The following NTNG1 variants were observed in gnomAD, a reference collection of about 807,000 sequenced individuals.
The protein encoded by NTNG1 is netrin G1.
NTNG1 carries 16 observed loss-of-function variants against 54.0 expected under a neutral mutation model. The ratio of observed to expected loss-of-function variants is 0.30; its 90% CI spans 0.20 to 0.45. NTNG1 has a LOEUF of 0.45. Among genes scored for constraint, NTNG1 ranks in the 20% least tolerant of loss-of-function variants. The pLI, the probability that NTNG1 is intolerant of heterozygous loss-of-function variation, is 1.00. For synonymous variants in NTNG1, 255 were observed against 263.1 expected (o/e 0.97, Z 0.30); for missense variants, 530 against 678.7 (o/e 0.78, Z 2.43).
rs185867649 is a variant in NTNG1 at position 107,273,245 on chromosome 1, T to G, written c.247-51037T>G. Reference sequence around the variant, plus strand: ...GTGAGAATAGCCGGGAAGTGAGTGCTGAGTGATGCAGTGGAGAATGTATAG... The same window carrying G: ...GTGAGAATAGCCGGGAAGTGAGTGCGGAGTGATGCAGTGGAGAATGTATAG... On this transcript the variant is annotated intron_variant, in intron 2 of 7. Transcript: ENST00000370068. Among the ~76,000 whole-genome samples the G allele has an allele frequency of 2.8e-3, 423 of 152,226 alleles. 4 individuals are homozygous for G. Among genetic ancestry groups the G allele is most frequent in the African/African-American group, 9.5e-3 (393 of 41,540 alleles).
At chr1:107,429,226 ATCC>A (rs1675100214) in intron 5 of NTNG1, among the ~76,000 whole-genome samples, 1 of 152,094 alleles carries the variant, frequency 6.6e-6, no homozygotes, top group Non-Finnish European at 1.5e-5. Flanking sequence ...CCATTTGAGT[ATCC>A]TCCTCTGCTT....
intron 2 of NTNG1, among the ~76,000 whole-genome samples, chr1:107,296,988 G>A (rs1665981039): frequency 1.3e-5 from 2 of 148,722 alleles, no homozygotes; most frequent in Non-Finnish European, 3.0e-5. Context: ...GGGTTGGTTG[G>A]GATGCTCAGA....
At chr1:107,215,078 G>A (rs1014351673) in intron 2 of NTNG1, among the ~76,000 whole-genome samples, 4 of 152,040 alleles carry the variant, frequency 2.6e-5, no homozygotes, top group African/African-American at 7.2e-5. Context: ...CACTCTGTGG[G>A]TTGTCTGTTT....
Position 107,445,988 on chromosome 1 carries a change from C to T in NTNG1, c.1390+9189C>T, listed in dbSNP as rs185425057. On this transcript the variant is annotated intron_variant, in intron 7 of 7. Coordinates refer to ENST00000370068, the MANE Select transcript of NTNG1 (RefSeq NM_001113226.3). Reference sequence around the variant, plus strand: ...TAAACAGGAAGCAGGCTGGATTTGGCTTGCAGATCATAGTTTGATTTATTC... The same window carrying T: ...TAAACAGGAAGCAGGCTGGATTTGGTTTGCAGATCATAGTTTGATTTATTC... Among the ~76,000 whole-genome samples the T allele has an allele frequency of 1.7e-3, 255 of 152,186 alleles. 3 individuals carry two copies. The South Asian group carries it at 0.027, about 16-fold the overall frequency.
At chr1:107,358,788 C>G (rs888160899) in intron 3 of NTNG1, among the ~76,000 whole-genome samples, 1 of 152,184 alleles carries the variant, frequency 6.6e-6, no homozygotes, top group Non-Finnish European at 1.5e-5. Flanking sequence ...CCATAACACC[C>G]TGCTGTGAGG....
intron 2 of NTNG1, among the ~76,000 whole-genome samples, chr1:107,289,329 T>C (rs1052207264): frequency 6.6e-6 from 1 of 152,120 alleles, no homozygotes; most frequent in African/African-American, 2.4e-5. Flanking sequence ...CTGTCAGTCA[T>C]CAAACAAGCT....
intron 2 of NTNG1, among the ~76,000 whole-genome samples, chr1:107,182,655 A>G (rs1334908316): frequency 1.3e-5 from 2 of 152,100 alleles, no homozygotes; most frequent in Admixed American, 6.6e-5. Flanking sequence ...ATTAAATGTC[A>G]TCTAGTGATT....
At chr1:107,437,005 A>G (rs1042560046) in intron 7 of NTNG1, among the ~76,000 whole-genome samples, 1 of 152,150 alleles carries the variant, frequency 6.6e-6, no homozygotes, top group African/African-American at 2.4e-5. Context: ...TCATCCCCTC[A>G]GTTAGCTGGA....
At chr1:107,175,898 T>C (rs1311263358) in intron 2 of NTNG1, among the ~76,000 whole-genome samples, 4 of 152,216 alleles carry the variant, frequency 2.6e-5, no homozygotes, top group African/African-American at 9.6e-5. Context: ...ATTATGTCTC[T>C]GCATAGGATC....
chr1:107,219,719 A>G (rs1660217095), intron 2 of NTNG1, among the ~76,000 whole-genome samples: 1 of 152,160 alleles, frequency 6.6e-6, no homozygotes, highest in South Asian at 2.1e-4. Flanking sequence ...GTACCAGGGA[A>G]TATCTGCAAA....
At chr1:107,450,705 A>G (rs1404144662) in intron 7 of NTNG1, among the ~76,000 whole-genome samples, 3 of 152,172 alleles carry the variant, frequency 2.0e-5, no homozygotes, top group Admixed American at 2.0e-4. Context: ...GTCCAAAATC[A>G]ATGCCATTTA....
intron 2 of NTNG1, among the ~76,000 whole-genome samples, chr1:107,248,480 G>C (rs1662346482): frequency 6.6e-6 from 1 of 152,174 alleles, no homozygotes; most frequent in Admixed American, 6.5e-5. Context: ...GAGGTAACAA[G>C]GAGTTAATCT....
chr1:107,233,597 C>A (rs187887847), intron 2 of NTNG1, among the ~76,000 whole-genome samples: 1 of 152,110 alleles, frequency 6.6e-6, no homozygotes, highest in Admixed American at 6.6e-5. Context: ...TGGTCAAGTT[C>A]TTTTAGTGAG....
intron 2 of NTNG1, among the ~76,000 whole-genome samples, chr1:107,159,866 A>G (rs1241947118): frequency 1.3e-5 from 2 of 152,224 alleles, no homozygotes; most frequent in East Asian, 1.9e-4. Flanking sequence ...GAACTGATCA[A>G]CAGTGTTTGT....
At chr1:107,212,681 G>T (rs1659674812) in intron 2 of NTNG1, among the ~76,000 whole-genome samples, 1 of 152,090 alleles carries the variant, frequency 6.6e-6, no homozygotes, top group African/African-American at 2.4e-5. Flanking sequence ...CGAACAATCT[G>T]CCCTCCCAAG....
intron 2 of NTNG1, among the ~76,000 whole-genome samples, chr1:107,185,980 G>T (rs867839289): frequency 6.6e-6 from 1 of 152,026 alleles, no homozygotes; most frequent in African/African-American, 2.4e-5. Context: ...CCCAAATATT[G>T]TACATTGTAC....
intron 2 of NTNG1, among the ~76,000 whole-genome samples, chr1:107,204,969 C>T (rs1407982607): frequency 1.3e-5 from 2 of 152,118 alleles, no homozygotes; most frequent in African/African-American, 4.8e-5. Flanking sequence ...TCCAGTTCCT[C>T]ACTTACATGA....
intron 3 of NTNG1, among the ~76,000 whole-genome samples, chr1:107,343,803 C>A (rs761259379): frequency 6.6e-6 from 1 of 152,094 alleles, no homozygotes; most frequent in Non-Finnish European, 1.5e-5. Context: ...AAAAAAGGAG[C>A]CTCCTGAAGG....
At position 107,436,772 on chromosome 1, in the gene NTNG1, G is replaced by A. The variant is rs775546072; in HGVS notation, c.1363G>A (p.Gly455Arg). The change falls in exon 7 of 8, where the codon GGA (glycine) becomes AGA (arginine). Residue 455 changes from glycine to arginine, a missense_variant. Around this residue, in one of 2 missense-constraint regions of NTNG1, gnomAD observed 212 missense variants for 213.6 expected, o/e 0.99. Coordinates refer to ENST00000370068, the MANE Select transcript of NTNG1 (RefSeq NM_001113226.3). ...TGPKCDECLP[G>R]NSWHYGCQPN... Reference sequence around the variant, plus strand: ...GCCTAAGTGTGATGAGTGTCTGCCGGGAAATTCCTGGCACTACGGCTGTCA... The same window carrying A: ...GCCTAAGTGTGATGAGTGTCTGCCGAGAAATTCCTGGCACTACGGCTGTCA... 3.1e-6 allele frequency: 5 copies of A among 1,613,420 alleles called. No homozygotes were observed. Among genetic ancestry groups the A allele is most frequent in the Non-Finnish European group, 4.2e-6 (5 of 1,179,590 alleles).
Sources: allele counts gnomAD v4.1 joint callset (sites outside exome capture counted in the v4.1 genomes callset), GRCh38; gene constraint gnomAD v4.1.1; regional missense constraint gnomAD v4.1.1; transcripts MANE v1.5; gene names NCBI Gene and HGNC (gene_info 2026-07-23, HGNC 2026-07-21).